The following ANKS1B variants were observed in gnomAD, a reference collection of about 807,000 sequenced individuals.
The protein encoded by ANKS1B is ankyrin repeat and sterile alpha motif domain containing 1B.
Under a neutral mutation model 148.3 loss-of-function variants are expected in ANKS1B, and 36 were observed. That is an observed-to-expected ratio of 0.24 (90% CI 0.19 to 0.32). ANKS1B has a LOEUF of 0.32. Ranked by LOEUF, ANKS1B falls within the 10% of genes least tolerant of loss-of-function variation. The pLI, the probability that ANKS1B is intolerant of heterozygous loss-of-function variation, is 1.00. For synonymous variants in ANKS1B, 542 were observed against 560.8 expected (o/e 0.97, Z 0.47); for missense variants, 1,157 against 1,542.6 (o/e 0.75, Z 4.19).
intron 25 of ANKS1B, among the ~76,000 whole-genome samples, chr12:98,772,780 C>A (rs2098605033): frequency 2.0e-5 from 3 of 152,162 alleles, no homozygotes; most frequent in African/African-American, 2.4e-5. Context: ...GGGAGAGAGG[C>A]CTCAGAAGAA....
chr12:99,453,554 C>A (rs2095795086), intron 10 of ANKS1B, among the ~76,000 whole-genome samples: 1 of 152,190 alleles, frequency 6.6e-6, no homozygotes, highest in African/African-American at 2.4e-5. Flanking sequence ...AATCCTTCAG[C>A]CCCAGTCAAG....
intron 15 of ANKS1B, among the ~76,000 whole-genome samples, chr12:99,091,551 G>A (rs1406967224): frequency 6.6e-6 from 1 of 152,132 alleles, no homozygotes; most frequent in African/African-American, 2.4e-5. Flanking sequence ...TCATTTTTAA[G>A]GATGCTAACC....
At chr12:98,905,087 C>G (rs1161740373) in intron 17 of ANKS1B, among the ~76,000 whole-genome samples, 2 of 152,052 alleles carry the variant, frequency 1.3e-5, no homozygotes, top group Non-Finnish European at 2.9e-5. Flanking sequence ...ACCCAGAAGG[C>G]TAGTATTTCT....
At chr12:99,760,917 C>CAT (rs1223777791) in intron 8 of ANKS1B, among the ~76,000 whole-genome samples, 1 of 150,652 alleles carries the variant, frequency 6.6e-6, no homozygotes, top group East Asian at 1.9e-4. Context: ...TGATGAACAC[C>CAT]ATATATATAC....
intron 9 of ANKS1B, among the ~76,000 whole-genome samples, chr12:99,583,093 ATGG>A (rs756718895): frequency 5.9e-5 from 9 of 152,188 alleles, no homozygotes; most frequent in Admixed American, 1.3e-4. Flanking sequence ...AGATCTAAAG[ATGG>A]TGAAGGATAC....
intron 15 of ANKS1B, among the ~76,000 whole-genome samples, chr12:99,099,374 G>C (rs138282813): frequency 0.024 from 3,693 of 152,336 alleles, 53 homozygotes; most frequent in Non-Finnish European, 0.039. Context: ...GGATAAAAGA[G>C]ATGCCTGGTT....
intron 12 of ANKS1B, among the ~76,000 whole-genome samples, chr12:99,294,220 C>T (rs1032682748): frequency 6.6e-6 from 1 of 152,160 alleles, no homozygotes; most frequent in African/African-American, 2.4e-5. Flanking sequence ...CAGATATCTG[C>T]ACTCCTACAT....
At chr12:99,739,533 A>C (rs1409456819) in intron 8 of ANKS1B, among the ~76,000 whole-genome samples, 3 of 152,162 alleles carry the variant, frequency 2.0e-5, no homozygotes, top group Non-Finnish European at 4.4e-5. Flanking sequence ...GAATAATGAC[A>C]GGCCTTCGTA....
At chr12:99,356,756 A>T (rs1387754922) in intron 12 of ANKS1B, among the ~76,000 whole-genome samples, 1 of 152,168 alleles carries the variant, frequency 6.6e-6, no homozygotes, top group East Asian at 1.9e-4. Context: ...TTAATATTTA[A>T]ACATGAGTTC....
chr12:99,930,206 T>C (rs1174798858), intron 1 of ANKS1B, among the ~76,000 whole-genome samples: 1 of 151,868 alleles, frequency 6.6e-6, no homozygotes, highest in African/African-American at 2.4e-5. Flanking sequence ...CTTGAAGAAG[T>C]CCTTCACATC....
At chr12:99,232,996 G>GA (rs1318869274) in intron 14 of ANKS1B, among the ~76,000 whole-genome samples, 1 of 151,962 alleles carries the variant, frequency 6.6e-6, no homozygotes, top group East Asian at 1.9e-4. Context: ...ACCACAAGTA[G>GA]AAAATTTTGA....
intron 12 of ANKS1B, among the ~76,000 whole-genome samples, chr12:99,292,186 C>A (rs533903616): frequency 2.0e-4 from 31 of 151,938 alleles, no homozygotes; most frequent in Admixed American, 7.2e-4. Context: ...AGCTTCTGCA[C>A]GGCAAAAGAA....
intron 9 of ANKS1B, among the ~76,000 whole-genome samples, chr12:99,617,169 T>C (rs1274815835): frequency 2.0e-5 from 3 of 152,044 alleles, no homozygotes; most frequent in African/African-American, 4.8e-5. Flanking sequence ...TGTGGAGAAA[T>C]AGGTACACTT....
At chr12:99,601,069 C>T (rs2097795908) in intron 9 of ANKS1B, among the ~76,000 whole-genome samples, 1 of 151,982 alleles carries the variant, frequency 6.6e-6, no homozygotes, top group Non-Finnish European at 1.5e-5. Context: ...AAATTTGGAA[C>T]TCAGTAAATG....
chr12:99,314,266 G>A (rs1376536797), intron 12 of ANKS1B, among the ~76,000 whole-genome samples: 1 of 152,126 alleles, frequency 6.6e-6, no homozygotes. Flanking sequence ...GGAAATAAGA[G>A]AGGACACAAA....
chr12:99,900,605 C>T (rs544262298), intron 1 of ANKS1B, among the ~76,000 whole-genome samples: 5 of 150,438 alleles, frequency 3.3e-5, no homozygotes, highest in Admixed American at 1.3e-4. Context: ...ATTTCCAGAA[C>T]TCTTTCAATT....
intron 14 of ANKS1B, among the ~76,000 whole-genome samples, chr12:99,170,344 T>C (rs987520594): frequency 2.0e-5 from 3 of 152,176 alleles, no homozygotes; most frequent in Non-Finnish European, 2.9e-5. Context: ...GAATCCTGGC[T>C]CTTTTCCATG....
intron 26 of ANKS1B, among the ~76,000 whole-genome samples, chr12:98,748,744 A>ATATTTTCC (rs2097974316): frequency 1.3e-5 from 2 of 152,168 alleles, no homozygotes; most frequent in Admixed American, 6.5e-5. Flanking sequence ...TATTCACTGT[A>ATATTTTCC]TATTTTCCTA....
At chr12:99,248,513 C>A (rs1484225644) in intron 12 of ANKS1B, among the ~76,000 whole-genome samples, 1 of 152,172 alleles carries the variant, frequency 6.6e-6, no homozygotes, top group African/African-American at 2.4e-5. Context: ...CAAAACAGAA[C>A]GATAAAACCT....
Sources: allele counts gnomAD v4.1 joint callset (sites outside exome capture counted in the v4.1 genomes callset), GRCh38; gene constraint gnomAD v4.1.1; transcripts MANE v1.5; gene names NCBI Gene and HGNC (gene_info 2026-07-23, HGNC 2026-07-21).